Variants in NEBL observed in about 807,000 individuals in gnomAD.
The protein encoded by NEBL is nebulette, also known as LIM and SH3 protein 2.
NEBL carries 122 observed loss-of-function variants against 140.2 expected under a neutral mutation model. That is an observed-to-expected ratio of 0.87 (90% CI 0.75 to 1.01). NEBL has a LOEUF of 1.01. NEBL is among the 50% of genes least tolerant of loss of function. The probability of loss-of-function intolerance (pLI) is 0.00; values close to 1 mark genes in which losing one functional copy is unlikely to be tolerated. For synonymous variants in NEBL, 436 were observed against 398.9 expected (o/e 1.09, Z -1.11); for missense variants, 1,365 against 1,231.3 (o/e 1.11, Z -1.62).
chr10:20,798,879 G>C (rs1836824791), intron 26 of NEBL, among the ~76,000 whole-genome samples: 1 of 152,164 alleles, frequency 6.6e-6, no homozygotes, highest in Non-Finnish European at 1.5e-5. Flanking sequence ...ATTAGTATTT[G>C]ATCCTTTCCC....
intron 1 of NEBL, among the ~76,000 whole-genome samples, chr10:21,277,140 CA>C (rs1014293402): frequency 1.4e-5 from 2 of 144,864 alleles, no homozygotes; most frequent in Admixed American, 6.9e-5. Context: ...AAAACAAAAA[CA>C]AAAAAAAACA....
rs41277360 is a variant in NEBL, at chr10:20,782,883, A to G, written c.*2864T>C. ...ACTACAAAAGCTTACAACAAAAGCA[A>G]TATATTCTGTTGCTATACTTTGCTC... is the stretch of plus-strand genomic sequence containing the variant. On this transcript the variant is annotated 3_prime_UTR_variant, in exon 28 of 28. Transcript: ENST00000377122. The G allele has an allele frequency of 3.7e-3, 566 of 152,780 alleles. 1 individual carries two copies. The highest frequency in any genetic ancestry group is 5.6e-3 in the Non-Finnish European group (380 of 68,032). 9.5% of individuals were successfully genotyped at this position (152,780 alleles called of 1,614,324 possible).
intron 13 of NEBL, among the ~76,000 whole-genome samples, chr10:20,840,199 C>T (rs570543449): frequency 6.6e-6 from 1 of 152,258 alleles, no homozygotes; most frequent in South Asian, 2.1e-4. Context: ...CTTAAAAGCA[C>T]AGTGACACCA....
At chr10:21,146,273 T>C in intron 2 of NEBL, 2 of 1,275,254 alleles carry the variant, frequency 1.6e-6, no homozygotes, top group Non-Finnish European at 2.2e-6. Flanking sequence ...GCAGCATCAT[T>C]TACATCACCA....
chr10:21,098,474 A>T (rs1481689604), intron 2 of NEBL, among the ~76,000 whole-genome samples: 1 of 152,204 alleles, frequency 6.6e-6, no homozygotes, highest in Admixed American at 6.5e-5. Flanking sequence ...TTATGCAAAT[A>T]AAACTGCATC....
intron 2 of NEBL, among the ~76,000 whole-genome samples, chr10:21,140,995 A>G (rs1320483465): frequency 6.6e-6 from 1 of 151,960 alleles, no homozygotes; most frequent in African/African-American, 2.4e-5. Context: ...GGTCCCATCA[A>G]TAACGGAAAC....
chr10:20,948,642 A>G (rs1263820294), intron 4 of NEBL, among the ~76,000 whole-genome samples: 1 of 152,194 alleles, frequency 6.6e-6, no homozygotes, highest in East Asian at 1.9e-4. Flanking sequence ...GAGGACACAA[A>G]AAGGTTCACA....
At chr10:20,953,013 A>T (rs956893226) in intron 4 of NEBL, among the ~76,000 whole-genome samples, 6 of 152,066 alleles carry the variant, frequency 3.9e-5, no homozygotes, top group African/African-American at 1.2e-4. Context: ...GACACTTTGG[A>T]TATTTCAAAG....
upstream of NEBL, among the ~76,000 whole-genome samples, chr10:21,178,142 T>C (rs1841332514): frequency 6.6e-6 from 1 of 152,230 alleles, no homozygotes; most frequent in South Asian, 2.1e-4. Flanking sequence ...TTAAGCACTG[T>C]AGAAAAATTA....
intron 2 of NEBL, among the ~76,000 whole-genome samples, chr10:21,088,930 T>C (rs1027555605): frequency 1.3e-5 from 2 of 152,142 alleles, no homozygotes; most frequent in Admixed American, 6.5e-5. Context: ...GGGCAGTTAA[T>C]GAACCACGCG....
intron 2 of NEBL, among the ~76,000 whole-genome samples, chr10:21,095,586 A>G (rs1837148857): frequency 6.6e-6 from 1 of 152,230 alleles, no homozygotes; most frequent in African/African-American, 2.4e-5. Context: ...TGTGATTTTA[A>G]TGTAAGTAGA....
intron 2 of NEBL, among the ~76,000 whole-genome samples, chr10:21,108,611 T>C (rs978277119): frequency 1.3e-5 from 2 of 152,170 alleles, no homozygotes; most frequent in African/African-American, 4.8e-5. Context: ...ATAAGTGTGA[T>C]GTGGTGCTAA....
chr10:21,274,452 A>G (rs945619391), intron 1 of NEBL, among the ~76,000 whole-genome samples: 1 of 152,056 alleles, frequency 6.6e-6, no homozygotes, highest in Non-Finnish European at 1.5e-5. Flanking sequence ...TTGAGACACA[A>G]TTTCCCTCTG....
At chr10:21,135,297 A>G (rs546299211) in intron 2 of NEBL, among the ~76,000 whole-genome samples, 2 of 152,368 alleles carry the variant, frequency 1.3e-5, no homozygotes, top group East Asian at 3.9e-4. Flanking sequence ...CCACAGGGCC[A>G]ATGCTGACAG....
intron 4 of NEBL, among the ~76,000 whole-genome samples, chr10:20,939,385 G>C (rs1052888178): frequency 3.9e-5 from 6 of 152,156 alleles, no homozygotes; most frequent in Admixed American, 1.3e-4. Flanking sequence ...AGCAAATGCT[G>C]AGAGATTTTG....
rs574147262 is a variant in NEBL, at chr10:20,965,972, G to A, written c.250-4193C>T. On this transcript the variant is annotated intron_variant, in intron 3 of 6. Transcript: ENST00000417816. ...ACCAACCTGAGCTCAGAAAGAGAAT[G>A]TGCCATACCTGGGAAGTAACACAGT... 4.6e-5 allele frequency among the ~76,000 whole-genome samples: 7 copies of A among 152,270 alleles called. No individual in the cohort carries two copies. The South Asian group carries it at 1.2e-3, about 27-fold the overall frequency.
intron 26 of NEBL, among the ~76,000 whole-genome samples, chr10:20,791,500 C>A (rs1328931546): frequency 1.3e-5 from 2 of 152,044 alleles, no homozygotes; most frequent in African/African-American, 4.8e-5. Flanking sequence ...AACTCCTGGA[C>A]TCAAGCGATC....
chr10:21,051,894 G>T (rs1045453007), intron 2 of NEBL, among the ~76,000 whole-genome samples: 1 of 152,086 alleles, frequency 6.6e-6, no homozygotes, highest in Admixed American at 6.5e-5. Flanking sequence ...ACCTATGAGG[G>T]TGTGGTGGTG....
intron 4 of NEBL, among the ~76,000 whole-genome samples, chr10:20,916,132 G>A (rs548863073): frequency 6.6e-6 from 1 of 152,220 alleles, no homozygotes; most frequent in Admixed American, 6.5e-5. Flanking sequence ...CAGTCATCTA[G>A]TTCAACTAGA....
Sources: gnomAD v4.1 joint callset for allele counts (sites outside exome capture counted in the v4.1 genomes callset) on GRCh38, gnomAD v4.1.1 for gene constraint, MANE v1.5 for transcripts, NCBI Gene and HGNC (gene_info 2026-07-23, HGNC 2026-07-21) for gene names.